The following KRR1 variants were observed in gnomAD, a reference collection of about 807,000 sequenced individuals.
The protein encoded by KRR1 is KRR1 small subunit processome component, also known as KRR1 small subunit processome component homolog.
Under a neutral mutation model 50.0 loss-of-function variants are expected in KRR1, and 23 were observed. That is an observed-to-expected ratio of 0.46 (90% CI 0.33 to 0.65). The LOEUF (loss-of-function observed/expected upper bound fraction) is 0.65, where lower values mean the gene tolerates loss of function less well. KRR1 is among the 30% of genes least tolerant of loss of function. KRR1 has a pLI of 0.02. For synonymous variants in KRR1, 133 were observed against 146.3 expected (o/e 0.91, Z 0.66); for missense variants, 419 against 442.4 (o/e 0.95, Z 0.47).
chr12:75,492,932 T>G lies in KRR1; in HGVS notation c.*6877A>C, dbSNP rs2046331332. 1 of 152,130 alleles carries G rather than the reference T, an allele frequency of 6.6e-6. No individual in the cohort carries two copies. Among genetic ancestry groups the G allele is most frequent in the Non-Finnish European group, 1.5e-5 (1 of 68,034 alleles). 9.4% of individuals were successfully genotyped at this position (152,130 alleles called of 1,614,324 possible). On this transcript the variant is annotated 3_prime_UTR_variant, in exon 10 of 10. Coordinates refer to ENST00000229214, the MANE Select transcript of KRR1 (RefSeq NM_007043.7). ...CTGTTTAGAATAATCAGGGAAGGGC[T>G]TCTTGTGTTATATTTAAGCTTAGGC...
chr12:75,505,223 T>G lies in KRR1; in HGVS notation c.635A>C (p.Asn212Thr), dbSNP rs771353668. 1 of 1,570,302 alleles carries G rather than the reference T, an allele frequency of 6.4e-7. No individual in the cohort carries two copies. Among genetic ancestry groups the G allele is most frequent in the African/African-American group, 1.4e-5 (1 of 73,094 alleles). ...VRKVVLDTMK[N>T]IHPIYNIKSL... ...TTTAATGTTATAAATTGGATGAATATTCTTCATAGTATCAAGGACTACTTT... is the reference window on the plus strand; with the variant it reads ...TTTAATGTTATAAATTGGATGAATAGTCTTCATAGTATCAAGGACTACTTT... The change falls in exon 6 of 10, where the codon AAT (asparagine) becomes ACT (threonine). Residue 212 changes from asparagine to threonine, a missense_variant. Coordinates refer to ENST00000229214, the MANE Select transcript of KRR1 (RefSeq NM_007043.7).
rs2046362193 is a variant in KRR1, at chr12:75,498,012, A to G, written c.*1797T>C. On this transcript the variant is annotated 3_prime_UTR_variant, in exon 10 of 10. Coordinates refer to ENST00000229214, the MANE Select transcript of KRR1 (RefSeq NM_007043.7). ...AAGCCCACTCACAGGTATGAAGACC[A>G]GGGATGCTCACCAGTACCCAGAGGA... The G allele has an allele frequency of 1.3e-5, 2 of 152,242 alleles. No individual in the cohort carries two copies. Among genetic ancestry groups the G allele is most frequent in the African/African-American group, 4.8e-5 (2 of 41,462 alleles). The allele number at this position is 152,242 out of a possible 1,614,324, so 9.4% of individuals were successfully genotyped here.
At chr12:75,509,844 T>TGGGA (rs2046438997) in intron 1 of KRR1, among the ~76,000 whole-genome samples, 1 of 151,666 alleles carries the variant, frequency 6.6e-6, no homozygotes, top group Non-Finnish European at 1.5e-5. Context: ...CCTCCTCAGC[T>TGGGA]TGCCAAAGTG....
Position 75,495,333 on chromosome 12 carries a change from C to G in KRR1, c.*4476G>C. On this transcript the variant is annotated 3_prime_UTR_variant, in exon 10 of 10. Transcript: ENST00000229214. ...CTGTAAAACAAGAATAACTTCCTCT[C>G]AGAGCTGTCACAATTAAATGGGATG... is the stretch of plus-strand genomic sequence containing the variant. The G allele has an allele frequency of 5.2e-6, 2 of 382,472 alleles. No individual in the cohort carries two copies. The highest frequency in any genetic ancestry group is 8.3e-5 in the East Asian group (2 of 24,000). The allele number at this position is 382,472 out of a possible 1,614,324, so 23.7% of individuals were successfully genotyped here.
At chr12:75,504,127 T>C in intron 6 of KRR1, 53 bp from the exon 7 acceptor site, 2 of 1,251,496 alleles carry the variant, frequency 1.6e-6, no homozygotes, top group Non-Finnish European at 2.2e-6. Context: ...CACACATTTG[T>C]CAGACTCAGA....
chr12:75,506,534 A>ATC lies in KRR1; in HGVS notation c.467_468dup (p.Phe157AspfsTer3). Reference sequence around the variant, plus strand: ...ATAAGCCGTTGTCTTCGTTTTACAAATCTCTCTTTATTCCTTACTAAAGAA... The same window carrying ATC: ...ATAAGCCGTTGTCTTCGTTTTACAAATCTCTCTCTTTATTCCTTACTAAAGAA... On this transcript the variant is annotated frameshift_variant, in exon 4 of 10. Coordinates refer to ENST00000229214, the MANE Select transcript of KRR1 (RefSeq NM_007043.7). LOFTEE classifies it high-confidence loss of function. The ATC allele has an allele frequency of 6.2e-7, 1 of 1,601,450 alleles. No individual in the cohort carries two copies. Among genetic ancestry groups the ATC allele is most frequent in the Non-Finnish European group, 8.5e-7 (1 of 1,174,098 alleles).
chr12:75,492,087 A>AATT lies in KRR1; in HGVS notation c.*7721_*7722insAAT, dbSNP rs2046326941. The AATT allele has an allele frequency of 4.0e-5, 4 of 101,038 alleles. No individual in the cohort carries two copies. Among genetic ancestry groups the AATT allele is most frequent in the Non-Finnish European group, 8.6e-5 (4 of 46,664 alleles). 6.3% of individuals were successfully genotyped at this position (101,038 alleles called of 1,614,324 possible). ...ATTCAGTTAGTGGTAACTTTTCATG[A>AATT]CTTTTTTTTTTTTTTTTGAGACAGG... On this transcript the variant is annotated 3_prime_UTR_variant, in exon 10 of 10. Coordinates refer to ENST00000229214, the MANE Select transcript of KRR1 (RefSeq NM_007043.7).
chr12:75,498,915 A>G lies in KRR1; in HGVS notation c.*894T>C. The G allele has an allele frequency of 6.2e-7, 1 of 1,607,294 alleles. No homozygotes were observed. The highest frequency in any genetic ancestry group is 8.5e-7 in the Non-Finnish European group (1 of 1,174,252). On this transcript the variant is annotated 3_prime_UTR_variant, in exon 10 of 10. Coordinates refer to ENST00000229214, the MANE Select transcript of KRR1 (RefSeq NM_007043.7). ...TCATTGTTAATTCAGTAATTCTAAT[A>G]CTGTCTGTTATAATTACCATTTTGG...
Position 75,492,889 on chromosome 12 carries a change from T to C in KRR1, c.*6920A>G, listed in dbSNP as rs1393671542. ...CTATAAATAATACTGTAATAGAAACTATCAATAGGCAAGGCCCCTGTTTAG... is the reference window on the plus strand; with the variant it reads ...CTATAAATAATACTGTAATAGAAACCATCAATAGGCAAGGCCCCTGTTTAG... On this transcript the variant is annotated 3_prime_UTR_variant, in exon 10 of 10. Coordinates refer to ENST00000229214, the MANE Select transcript of KRR1 (RefSeq NM_007043.7). The C allele has an allele frequency of 1.3e-5, 2 of 152,176 alleles. No individual in the cohort carries two copies. Among genetic ancestry groups the C allele is most frequent in the African/African-American group, 2.4e-5 (1 of 41,448 alleles). 9.4% of individuals were successfully genotyped at this position (152,176 alleles called of 1,614,324 possible).
chr12:75,492,554 C>G lies in KRR1; in HGVS notation c.*7255G>C, dbSNP rs907320518. The stretch of plus-strand genomic sequence containing the variant: ...TGTAAAATACTAGGTATATATAATG[C>G]TTGGCAATAGTGAATGTTTTGTAAG... On this transcript the variant is annotated 3_prime_UTR_variant, in exon 10 of 10. Transcript: ENST00000229214. The G allele has an allele frequency of 1.3e-5, 2 of 152,082 alleles. No individual in the cohort carries two copies. The highest frequency in any genetic ancestry group is 4.8e-5 in the African/African-American group (2 of 41,396). The allele number at this position is 152,082 out of a possible 1,614,324, so 9.4% of individuals were successfully genotyped here. A position where few individuals can be genotyped will look rare whatever the true frequency, so the allele number is the denominator to read the frequency against.
Position 75,491,984 on chromosome 12 carries a change from C to T in KRR1, c.*7825G>A, listed in dbSNP as rs898109586. On this transcript the variant is annotated 3_prime_UTR_variant, in exon 10 of 10. Transcript: ENST00000229214. The stretch of plus-strand genomic sequence containing the variant: ...GTGAAGGAGGAGACAAAGCGTCATT[C>T]TGAAGATGACAGCTTTGACTTAATA... 2.6e-5 allele frequency: 4 copies of T among 151,650 alleles called. No individual in the cohort carries two copies. The highest frequency in any genetic ancestry group is 5.9e-5 in the Non-Finnish European group (4 of 68,000). The allele number at this position is 151,650 out of a possible 1,614,324, so 9.4% of individuals were successfully genotyped here. A position where few individuals can be genotyped will look rare whatever the true frequency, so the allele number is the denominator to read the frequency against.
intron 1 of KRR1, among the ~76,000 whole-genome samples, chr12:75,511,014 T>C (rs2046445754): frequency 1.3e-5 from 2 of 152,248 alleles, no homozygotes; most frequent in Non-Finnish European, 2.9e-5. Flanking sequence ...TGTCGTCTAA[T>C]ATTTTAGCAT....
At chr12:75,504,222 G>A (rs984117926) in intron 6 of KRR1, 148 bp from the exon 7 acceptor site, 2 of 472,174 alleles carry the variant, frequency 4.2e-6, no homozygotes, top group Non-Finnish European at 7.4e-6. Flanking sequence ...TAAGCAAAAA[G>A]GTAGGTTATC....
At position 75,505,269 on chromosome 12, in the gene KRR1, G is replaced by GA; in HGVS notation, c.604-16dup. The stretch of plus-strand genomic sequence containing the variant: ...ACTTTTCTAACCTGAAATTTGCAAA[G>GA]AAAAATGAATTAGTCACAAGGATTT... On this transcript the variant is annotated splice_polypyrimidine_tract_variant and intron_variant, in intron 5 of 9. Transcript: ENST00000229214. 1.9e-6 allele frequency: 3 copies of GA among 1,566,506 alleles called. No individual in the cohort carries two copies. The highest frequency in any genetic ancestry group is 2.6e-6 in the Non-Finnish European group (3 of 1,158,216).
chr12:75,510,852 A>C (rs1156869237), intron 1 of KRR1, among the ~76,000 whole-genome samples: 1 of 152,242 alleles, frequency 6.6e-6, no homozygotes, highest in African/African-American at 2.4e-5. Flanking sequence ...TTGAGAGTTC[A>C]ATGTTTTTAA....
rs1363582221 is a variant in KRR1, at chr12:75,495,586, C to T, written c.*4223G>A. 6.3e-7 allele frequency: 1 copy of T among 1,599,568 alleles called. No homozygotes were observed. The highest frequency in any genetic ancestry group is 8.6e-7 in the Non-Finnish European group (1 of 1,167,036). On this transcript the variant is annotated 3_prime_UTR_variant, in exon 10 of 10. Coordinates refer to ENST00000229214, the MANE Select transcript of KRR1 (RefSeq NM_007043.7). ...TTCTTCTGCTTTACAGAGGGAATTA[C>T]CCAACTTGGCCATATAAGAGAGGAG...
intron 1 of KRR1, among the ~76,000 whole-genome samples, chr12:75,509,376 GACTCTTAA>G (rs1312472945): frequency 6.6e-6 from 1 of 152,064 alleles, no homozygotes; most frequent in African/African-American, 2.4e-5. Context: ...CTCAACAGGA[GACTCTTAA>G]GCACGGTAAA....
At chr12:75,499,985 T>TTTAGA in intron 9 of KRR1, 34 bp from the exon 10 acceptor site, 1 of 1,525,598 alleles carries the variant, frequency 6.6e-7, no homozygotes, top group Non-Finnish European at 8.8e-7. Flanking sequence ...CATGTAATAC[T>TTTAGA]TTAGATTTTA....
At chr12:75,511,003 G>A (rs565693288) in intron 1 of KRR1, among the ~76,000 whole-genome samples, 1 of 152,324 alleles carries the variant, frequency 6.6e-6, no homozygotes, top group South Asian at 2.1e-4. Flanking sequence ...AGTAAGGGCT[G>A]TGTCGTCTAA....
Sources: gnomAD v4.1 joint callset for allele counts (sites outside exome capture counted in the v4.1 genomes callset) on GRCh38, gnomAD v4.1.1 for gene constraint, MANE v1.5 for transcripts, NCBI Gene and HGNC (gene_info 2026-07-23, HGNC 2026-07-21) for gene names.